Variants in CSNK1A1 observed in about 807,000 individuals in gnomAD.
CSNK1A1 encodes casein kinase 1 alpha 1, also known as casein kinase I isoform alpha.
A neutral mutation model predicts 46.1 loss-of-function variants in CSNK1A1; 7 were observed. The ratio of observed to expected loss-of-function variants is 0.15; its 90% confidence interval spans 0.09 to 0.29. The LOEUF (loss-of-function observed/expected upper bound fraction) is 0.29, where lower values mean the gene tolerates loss of function less well. CSNK1A1 is among the 10% of genes least tolerant of loss of function. The pLI is 1.00. For missense variants in CSNK1A1, 96 were observed against 417.1 expected (o/e 0.23, Z 6.71); for synonymous variants, 137 against 141.5 (o/e 0.97, Z 0.23).
intron 2 of CSNK1A1, among the ~76,000 whole-genome samples, chr5:149,544,734 GCT>G (rs1491441639): frequency 1.1e-4 from 3 of 28,090 alleles, no homozygotes; most frequent in African/African-American, 9.2e-4. Flanking sequence ...AGGGTAAAGA[GCT>G]TTATATATAT....
chr5:149,506,395 C>G (rs748632298), intron 8 of CSNK1A1, among the ~76,000 whole-genome samples: 4 of 152,130 alleles, frequency 2.6e-5, no homozygotes. Context: ...CACCACCTCA[C>G]CCGGCTAATT....
At chr5:149,544,160 A>T (rs1268342725) in intron 2 of CSNK1A1, among the ~76,000 whole-genome samples, 1 of 152,178 alleles carries the variant, frequency 6.6e-6, no homozygotes, top group African/African-American at 2.4e-5. Context: ...TAGCTGGCAA[A>T]AGAAGGGTAG....
intron 2 of CSNK1A1, among the ~76,000 whole-genome samples, chr5:149,537,538 T>G (rs1451998153): frequency 6.6e-6 from 1 of 151,994 alleles, no homozygotes; most frequent in Non-Finnish European, 1.5e-5. Context: ...AATTTCTCAG[T>G]GTGGTTCTCT....
chr5:149,503,292 A>G (rs1760928895), intron 9 of CSNK1A1: 1 of 985,294 alleles, frequency 1.0e-6, no homozygotes, highest in African/African-American at 1.7e-5. Context: ...GGCCAGCTAC[A>G]TTTTCATGGT....
chr5:149,518,769 C>T (rs1008153706), intron 4 of CSNK1A1, among the ~76,000 whole-genome samples: 5 of 149,910 alleles, frequency 3.3e-5, no homozygotes, highest in East Asian at 1.9e-4. Context: ...GACAACTATG[C>T]GATTAACAAG....
At chr5:149,515,968 G>A (rs536226709) in intron 4 of CSNK1A1, among the ~76,000 whole-genome samples, 7 of 152,192 alleles carry the variant, frequency 4.6e-5, no homozygotes, top group South Asian at 2.1e-4. Flanking sequence ...TAAAATCTGC[G>A]CCCATTTTAA....
intron 6 of CSNK1A1, among the ~76,000 whole-genome samples, chr5:149,510,739 A>T (rs1761194001): frequency 6.6e-6 from 1 of 152,102 alleles, no homozygotes; most frequent in Non-Finnish European, 1.5e-5. Flanking sequence ...TGGGCCTCCC[A>T]AAGTGTTGAA....
At chr5:149,500,861 GTATT>G (rs1323093208) in intron 9 of CSNK1A1, among the ~76,000 whole-genome samples, 9 of 151,060 alleles carry the variant, frequency 6.0e-5, no homozygotes, top group Non-Finnish European at 1.2e-4. Context: ...AACTAAAAGA[GTATT>G]TAAAGTTGGG....
At chr5:149,506,602 C>G (rs1048937995) in intron 8 of CSNK1A1, among the ~76,000 whole-genome samples, 3 of 152,136 alleles carry the variant, frequency 2.0e-5, no homozygotes, top group Non-Finnish European at 2.9e-5. Context: ...ATTCCCCCCC[C>G]TTTTTCAAGA....
In CSNK1A1 at chr5:149,495,744, T is replaced by TAAAAAAAAAAAAAAA. The variant is rs149346325; in HGVS notation, c.*1094_*1108dup. On this transcript the variant is annotated 3_prime_UTR_variant, in exon 10 of 10. Transcript: ENST00000377843. ...TACTAGATATTGTGCCTGCAAGTCA[T>TAAAAAAAAAAAAAAA]AAAAAAAAAAAAAAAAAAAGAAAAA... 7 of 92,760 alleles carry TAAAAAAAAAAAAAAA rather than the reference T, an allele frequency of 7.5e-5. No homozygotes were observed. The highest frequency in any genetic ancestry group is 8.9e-5 in the Non-Finnish European group (4 of 45,082). 5.7% of individuals were successfully genotyped at this position (92,760 alleles called of 1,614,324 possible).
At chr5:149,540,610 A>G (rs1372699089) in intron 2 of CSNK1A1, among the ~76,000 whole-genome samples, 1 of 152,174 alleles carries the variant, frequency 6.6e-6, no homozygotes, top group Non-Finnish European at 1.5e-5. Context: ...GACTGGGGAG[A>G]AAAATAAGGC....
chr5:149,522,923 T>G (rs753174364), intron 3 of CSNK1A1, among the ~76,000 whole-genome samples: 10 of 152,196 alleles, frequency 6.6e-5, no homozygotes, highest in Non-Finnish European at 1.2e-4. Context: ...CTAAGTACAG[T>G]GGTAGGCTCT....
At chr5:149,531,561 T>C (rs1761898580) in intron 2 of CSNK1A1, among the ~76,000 whole-genome samples, 1 of 150,486 alleles carries the variant, frequency 6.6e-6, no homozygotes, top group Non-Finnish European at 1.5e-5. Flanking sequence ...AAAAAATCAA[T>C]TTTGAGCCAG....
intron 2 of CSNK1A1, among the ~76,000 whole-genome samples, chr5:149,529,340 G>A (rs1456456831): frequency 2.0e-4 from 31 of 152,130 alleles, no homozygotes; most frequent in Admixed American, 2.0e-3. Context: ...AGAAGGCAAG[G>A]TCTATCTCTC....
At chr5:149,500,918 C>G in intron 9 of CSNK1A1, 1 of 949,146 alleles carries the variant, frequency 1.1e-6, no homozygotes, top group Non-Finnish European at 1.3e-6. Context: ...ATACACTATT[C>G]CTAAACTGCA....
chr5:149,507,273 G>T, intron 7 of CSNK1A1, 140 bp from the exon 8 acceptor site: 1 of 611,624 alleles, frequency 1.6e-6, no homozygotes. Context: ...CTAAAATGAT[G>T]GCTTGGTCTC....
chr5:149,533,075 C>T (rs940535480), intron 2 of CSNK1A1, among the ~76,000 whole-genome samples: 3 of 152,084 alleles, frequency 2.0e-5, no homozygotes, highest in Non-Finnish European at 2.9e-5. Flanking sequence ...CTTGAATTAC[C>T]GTACATTTTC....
intron 2 of CSNK1A1, among the ~76,000 whole-genome samples, chr5:149,540,185 G>T (rs544538749): frequency 6.6e-6 from 1 of 152,126 alleles, no homozygotes; most frequent in Non-Finnish European, 1.5e-5. Context: ...CCTTTTACAA[G>T]TAAGAACTGA....
chr5:149,538,014 G>GTTTTTTTTTTT (rs890909710), intron 2 of CSNK1A1, among the ~76,000 whole-genome samples: 1 of 85,730 alleles, frequency 1.2e-5, no homozygotes, highest in Non-Finnish European at 2.1e-5. Flanking sequence ...AGTGTGCCCA[G>GTTTTTTTTTTT]TTTTTTTTTT....
Sources: allele counts gnomAD v4.1 joint callset (sites outside exome capture counted in the v4.1 genomes callset), GRCh38; gene constraint gnomAD v4.1.1; transcripts MANE v1.5; gene names NCBI Gene and HGNC (gene_info 2026-07-23, HGNC 2026-07-21).